Variants in ZSCAN25 observed in about 807,000 individuals in gnomAD.
ZSCAN25 encodes the protein zinc finger and SCAN domain-containing protein 25.
Under a neutral mutation model 38.7 loss-of-function variants are expected in ZSCAN25, and 27 were observed. That is an observed-to-expected ratio of 0.70 (90% confidence interval 0.51 to 0.96). The LOEUF is 0.96. ZSCAN25 is among the 40% of genes least tolerant of loss of function. The pLI is 0.00. For missense variants in ZSCAN25, 637 were observed against 705.9 expected (o/e 0.90, Z 1.11); for synonymous variants, 273 against 277.7 (o/e 0.98, Z 0.17).
At chr7:99,660,214 CTTTTTTTTTTTTTTTTTTTTT>C in the ZSCAN25 span, 2 of 429,914 alleles carry the variant, frequency 4.7e-6, no homozygotes, top group African/African-American at 4.8e-5. Context: ...CGCCACACTC[CTTTTTTTTTTTTTTTTTTTTT>C]TTTTTTTTTT....
At chr7:99,676,564 G>C in the ZSCAN25 span, 1 of 1,357,226 alleles carries the variant, frequency 7.4e-7, no homozygotes, top group South Asian at 1.1e-5. Flanking sequence ...TCGCTGATTT[G>C]GGGACTCTCA....
At chr7:99,637,395 T>C (rs915379919), downstream of ZSCAN25, among the ~76,000 whole-genome samples, 6 of 152,108 alleles carry the variant, frequency 3.9e-5, no homozygotes, top group African/African-American at 1.4e-4. Flanking sequence ...AGTGTTTTTT[T>C]AAAGTTTAAA....
chr7:99,731,237 A>G, the ZSCAN25 span: 1 of 1,488,230 alleles, frequency 6.7e-7, no homozygotes, highest in Non-Finnish European at 9.3e-7. Context: ...AGGAACTGGA[A>G]TGATCAGGCA....
chr7:99,709,909 T>C, the ZSCAN25 span, among the ~76,000 whole-genome samples: 1 of 152,136 alleles, frequency 6.6e-6, no homozygotes, highest in Admixed American at 6.6e-5. Context: ...ACTAGTCCCT[T>C]TCTATCCCAA....
At chr7:99,695,367 CAGAT>C in the ZSCAN25 span, among the ~76,000 whole-genome samples, 1 of 152,202 alleles carries the variant, frequency 6.6e-6, no homozygotes, top group African/African-American at 2.4e-5. Flanking sequence ...CTCATGTACA[CAGAT>C]AGCAAGCCAC....
At chr7:99,695,855 G>T in the ZSCAN25 span, 1 of 1,609,424 alleles carries the variant, frequency 6.2e-7, no homozygotes, top group Non-Finnish European at 8.5e-7. Flanking sequence ...AACTGAATCA[G>T]AAATCAGGTC....
At chr7:99,665,194 A>G in the ZSCAN25 span, 1 of 1,613,736 alleles carries the variant, frequency 6.2e-7, no homozygotes. Context: ...GATCTAAGAA[A>G]CCAAATTTTA....
the ZSCAN25 span, chr7:99,665,226 C>T: frequency 1.2e-6 from 2 of 1,614,138 alleles, no homozygotes; most frequent in Non-Finnish European, 8.5e-7. Context: ...GTGCTCTCCA[C>T]AAAGGGGTCT....
chr7:99,655,450 G>A, the ZSCAN25 span, among the ~76,000 whole-genome samples: 1 of 152,144 alleles, frequency 6.6e-6, no homozygotes, highest in Non-Finnish European at 1.5e-5. Context: ...CTCTGTTTTG[G>A]TACCAGTACC....
chr7:99,696,944 A>G, the ZSCAN25 span, among the ~76,000 whole-genome samples: 2 of 152,092 alleles, frequency 1.3e-5, no homozygotes, highest in African/African-American at 4.8e-5. Flanking sequence ...CAGCCATGTA[A>G]TATCTGCCTA....
chr7:99,652,331 A>G, the ZSCAN25 span: 7 of 382,186 alleles, frequency 1.8e-5, no homozygotes. Flanking sequence ...CCACAGGGAC[A>G]TAATTGATTA....
the ZSCAN25 span, among the ~76,000 whole-genome samples, chr7:99,711,652 C>A: frequency 3.3e-5 from 5 of 152,168 alleles, no homozygotes; most frequent in African/African-American, 1.2e-4. Flanking sequence ...CCTGTAATCC[C>A]AGCTACTTGG....
the ZSCAN25 span, among the ~76,000 whole-genome samples, chr7:99,673,597 G>T: frequency 6.6e-6 from 1 of 152,168 alleles, no homozygotes; most frequent in Non-Finnish European, 1.5e-5. Context: ...TAAAAAAGTG[G>T]AGCATAAGTG....
At chr7:99,714,559 TG>T in the ZSCAN25 span, 1 of 1,612,906 alleles carries the variant, frequency 6.2e-7, no homozygotes, top group South Asian at 1.1e-5. Flanking sequence ...TTTTACCTTT[TG>T]TGTCTCTTTG....
the ZSCAN25 span, among the ~76,000 whole-genome samples, chr7:99,691,266 G>A: frequency 6.6e-6 from 1 of 151,828 alleles, no homozygotes; most frequent in Non-Finnish European, 1.5e-5. Context: ...ACACAGGAAG[G>A]GGAACATCAC....
the ZSCAN25 span, among the ~76,000 whole-genome samples, chr7:99,724,607 C>G: frequency 4.6e-5 from 7 of 152,068 alleles, no homozygotes; most frequent in Non-Finnish European, 8.8e-5. Context: ...CCAATTCTTC[C>G]TCATCCTCTG....
At chr7:99,665,071 G>A in the ZSCAN25 span, 3 of 1,094,868 alleles carry the variant, frequency 2.7e-6, no homozygotes. Context: ...CAATGGAATT[G>A]TACCTTTTAA....
chr7:99,631,937 G>T lies in ZSCAN25; in HGVS notation c.*1917G>T, dbSNP rs932863644. Reference sequence around the variant, plus strand: ...TCAGAGCAGCTAGGCAGGGCTGACAGCCAGGCAGACTCAGTGGGAGGCTTC... The same window carrying T: ...TCAGAGCAGCTAGGCAGGGCTGACATCCAGGCAGACTCAGTGGGAGGCTTC... On this transcript the variant is annotated 3_prime_UTR_variant, in exon 8 of 8. Coordinates refer to ENST00000394152, the MANE Select transcript of ZSCAN25 (RefSeq NM_145115.3). The T allele has an allele frequency of 2.3e-5, 23 of 985,382 alleles. No homozygotes were observed. The highest frequency in any genetic ancestry group is 2.5e-5 in the Non-Finnish European group (21 of 829,986). The allele number at this position is 985,382 out of a possible 1,614,324, so 61.0% of individuals were successfully genotyped here. A position where few individuals can be genotyped will look rare whatever the true frequency, so the allele number is the denominator to read the frequency against.
chr7:99,664,003 T>G, the ZSCAN25 span: 13 of 1,594,362 alleles, frequency 8.2e-6, no homozygotes, highest in South Asian at 1.5e-4. Flanking sequence ...TTCTTCATTC[T>G]GTTTACAGAT....
Sources: allele counts gnomAD v4.1 joint callset (sites outside exome capture counted in the v4.1 genomes callset), GRCh38; gene constraint gnomAD v4.1.1; transcripts MANE v1.5; gene names NCBI Gene and HGNC (gene_info 2026-07-23, HGNC 2026-07-21).